The following LY6G6F variants were observed in gnomAD, a reference collection of about 807,000 sequenced individuals.
The protein encoded by LY6G6F is lymphocyte antigen 6 family member G6F.
LY6G6F carries 26 observed loss-of-function variants against 33.0 expected under a neutral mutation model. The ratio of observed to expected loss-of-function variants is 0.79; its 90% confidence interval spans 0.58 to 1.09. The LOEUF (loss-of-function observed/expected upper bound fraction) is 1.09. LY6G6F is among the 50% of genes least tolerant of loss of function. LY6G6F has a pLI of 0.00. For synonymous variants in LY6G6F, 132 were observed against 148.1 expected, an observed-to-expected ratio of 0.89 and a Z score of 0.79; for missense variants, 317 against 372.0, an observed-to-expected ratio of 0.85 and a Z score of 1.22.
Position 31,707,320 on chromosome 6 carries a change from C to T in LY6G6F, c.53-138C>T. The T allele has an allele frequency of 1.4e-6, 1 of 722,408 alleles. No homozygotes were observed. Among genetic ancestry groups the T allele is most frequent in the Admixed American group, 2.8e-5 (1 of 35,322 alleles). 44.7% of individuals were successfully genotyped at this position (722,408 alleles called of 1,614,324 possible). A position where few individuals can be genotyped will look rare whatever the true frequency, so the allele number is the denominator to read the frequency against. ...CTCTCCACCTGTCTTATTTTTGTAG[C>T]TGTCACTTGAGAAATGTGGTCACCA... On this transcript the variant is annotated intron_variant, in intron 1 of 5. Transcript: ENST00000375832. This position sits in a 1 kb window ranked among gnomAD's most constrained non-coding sequence, Gnocchi z 4.1.
chr6:31,707,010 GACT>G lies in LY6G6F; in HGVS notation c.52+56_52+58del. 1 of 1,578,838 alleles carries G rather than the reference GACT, an allele frequency of 6.3e-7. No homozygotes were observed. Among genetic ancestry groups the G allele is most frequent in the Non-Finnish European group, 8.7e-7 (1 of 1,147,994 alleles). On this transcript the variant is annotated intron_variant, in intron 1 of 5. Coordinates refer to ENST00000375832, the MANE Select transcript of LY6G6F (RefSeq NM_001003693.3). The surrounding 1 kb of genome is among the most constrained non-coding windows in gnomAD (Gnocchi z 4.1). ...TTAGCTATTTGCAAGGTTGGGGAGG[GACT>G]ACTGCTCTTTCTCCTAGGAGCCTGG...
chr6:31,710,299 C>G lies in LY6G6F; in HGVS notation c.803-53C>G. The G allele has an allele frequency of 1.2e-6, 2 of 1,613,144 alleles. No homozygotes were observed. Among genetic ancestry groups the G allele is most frequent in the African/African-American group, 1.3e-5 (1 of 75,036 alleles). On this transcript the variant is annotated intron_variant, in intron 4 of 5. Coordinates refer to ENST00000375832, the MANE Select transcript of LY6G6F (RefSeq NM_001003693.3). The surrounding 1 kb of genome is among the most constrained non-coding windows in gnomAD (Gnocchi z 4.7). Reference sequence around the variant, plus strand: ...AGGGGAGGGGGCGAGGAACACGGCTCTAAGTTGTCTGCTGACTTCTCTTCT... The same window carrying G: ...AGGGGAGGGGGCGAGGAACACGGCTGTAAGTTGTCTGCTGACTTCTCTTCT...
At chr6:31,708,498 A>G (rs1340656970) in intron 3 of LY6G6F, among the ~76,000 whole-genome samples, 1 of 152,120 alleles carries the variant, frequency 6.6e-6, no homozygotes, top group Non-Finnish European at 1.5e-5. Context: ...TTTTTTCTTG[A>G]AAGAAAGGGT....
intron 3 of LY6G6F, 74 bp from the exon 4 acceptor site, chr6:31,709,952 G>A: frequency 6.1e-6 from 9 of 1,463,626 alleles, no homozygotes; most frequent in Middle Eastern, 1.8e-4. Flanking sequence ...TGGAGGGGAA[G>A]CCTCTCTTTG....
chr6:31,707,455 C>A lies in LY6G6F; in HGVS notation c.53-3C>A, dbSNP rs753304616. The A allele has an allele frequency of 1.2e-6, 2 of 1,612,576 alleles. No homozygotes were observed. Among genetic ancestry groups the A allele is most frequent in the East Asian group, 4.5e-5 (2 of 44,880 alleles). ...CTGGCCTCATACAACCCTCTTCCCA[C>A]AGACAACATGCAGGCCATCTATGTG... On this transcript the variant is annotated splice_polypyrimidine_tract_variant and splice_region_variant and intron_variant, in intron 1 of 5. Transcript: ENST00000375832. This position sits in a 1 kb window ranked among gnomAD's most constrained non-coding sequence, Gnocchi z 4.1.
rs773984244 is a variant in LY6G6F, at chr6:31,710,164, G to A, written c.785G>A (p.Arg262His). The change falls in exon 4 of 6, where the codon CGT becomes CAT. Residue 262 changes from arginine to histidine, a missense_variant. Arg to His is a conservative substitution (Grantham distance 29). Coordinates refer to ENST00000375832, the MANE Select transcript of LY6G6F (RefSeq NM_001003693.3). This position sits in a 1 kb window ranked among gnomAD's most constrained non-coding sequence, Gnocchi z 4.7. ...ATCGTGCTCTGGAGGCAGAGGGTCC[G>A]TGGGGCTCCAGGCAGAGGTGAGTCC... ...LSIVLWRQRV[R>H]GAPGRDASIP... 19 of 1,612,260 alleles carry A rather than the reference G, an allele frequency of 1.2e-5. No individual in the cohort carries two copies. The highest frequency in any genetic ancestry group is 3.3e-5 in the South Asian group (3 of 91,048).
chr6:31,710,241 G>T lies in LY6G6F; in HGVS notation c.802+60G>T, dbSNP rs1247754289. On this transcript the variant is annotated intron_variant, in intron 4 of 5. Transcript: ENST00000375832. This position sits in a 1 kb window ranked among gnomAD's most constrained non-coding sequence, Gnocchi z 4.7. ...ACATGGGTGGGAGGCAAAGGGCTAG[G>T]CTCACACCCCGCCTCTGTACCCCAC... 6.2e-7 allele frequency: 1 copy of T among 1,609,880 alleles called. No individual in the cohort carries two copies. The highest frequency in any genetic ancestry group is 8.5e-7 in the Non-Finnish European group (1 of 1,177,952).
intron 3 of LY6G6F, among the ~76,000 whole-genome samples, chr6:31,709,390 G>C (rs1165290010): frequency 6.6e-6 from 1 of 151,674 alleles, no homozygotes; most frequent in African/African-American, 2.4e-5. Context: ...CTCTCGAGTA[G>C]CTAGGATTAC....
chr6:31,710,371 C>T lies in LY6G6F; in HGVS notation c.822C>T (p.Phe274=), dbSNP rs1344707913. ...CCCCAGATGCCTCGATTCCTCAGTTCAAACCCGAAATCCAGGTCTATGAGA... is the reference window on the plus strand; with the variant it reads ...CCCCAGATGCCTCGATTCCTCAGTTTAAACCCGAAATCCAGGTCTATGAGA... ...APGRDASIPQ[F]KPEIQVYENI... is the part of the protein sequence containing the mutation. Residue 274 remains phenylalanine, a synonymous_variant, in exon 5 of 6, where the codon TTC becomes TTT. Transcript: ENST00000375832. The surrounding 1 kb of genome is among the most constrained non-coding windows in gnomAD (Gnocchi z 4.7). 1 of 1,614,054 alleles carries T rather than the reference C, an allele frequency of 6.2e-7. No individual in the cohort carries two copies. The highest frequency in any genetic ancestry group is 1.7e-5 in the Admixed American group (1 of 60,002).
chr6:31,708,518 TA>T (rs1805786946), intron 3 of LY6G6F, among the ~76,000 whole-genome samples: 2 of 152,196 alleles, frequency 1.3e-5, no homozygotes, highest in East Asian at 3.8e-4. Context: ...TGAATTACTA[TA>T]AAGGGTGTGA....
Position 31,710,076 on chromosome 6 carries a change from A to G in LY6G6F, c.697A>G (p.Met233Val), listed in dbSNP as rs143875307. Residue 233 changes from methionine to valine, a missense_variant, in exon 4 of 6, where the codon ATG becomes GTG. Transcript: ENST00000375832. This position sits in a 1 kb window ranked among gnomAD's most constrained non-coding sequence, Gnocchi z 4.7. ...ALCAPSTGWDMPWILMLLLTM... is the reference protein window; with the variant it reads ...ALCAPSTGWDVPWILMLLLTM... Reference sequence around the variant, plus strand: ...CTGTGCCCCTTCCACGGGCTGGGACATGCCTTGGATTCTGATGCTGCTGCT... The same window carrying G: ...CTGTGCCCCTTCCACGGGCTGGGACGTGCCTTGGATTCTGATGCTGCTGCT... 740 of 1,612,972 alleles carry G rather than the reference A, an allele frequency of 4.6e-4. 2 individuals carry two copies. In the African/African-American group the frequency reaches 5.3e-3, roughly 12 times the overall value.
intron 3 of LY6G6F, among the ~76,000 whole-genome samples, chr6:31,709,682 C>T (rs1805882486): frequency 6.6e-6 from 1 of 152,214 alleles, no homozygotes; most frequent in South Asian, 2.1e-4. Flanking sequence ...GTGTGAACCA[C>T]TGCGCCTGGC....
chr6:31,709,971 G>A (rs1805904045), intron 3 of LY6G6F, 55 bp from the exon 4 acceptor site: 3 of 1,557,544 alleles, frequency 1.9e-6, no homozygotes, highest in African/African-American at 1.4e-5. Context: ...TGGGGCACAG[G>A]GACAGGGCCC....
chr6:31,708,768 A>T (rs1805803410), intron 3 of LY6G6F, among the ~76,000 whole-genome samples: 1 of 152,136 alleles, frequency 6.6e-6, no homozygotes. Context: ...CTCTACTAAA[A>T]ATACAAAATT....
chr6:31,706,911 C>T lies in LY6G6F; in HGVS notation c.5C>T (p.Ala2Val). M[A>V]VLFLLLFLCG... ...AGAACTTGGCAGGCTCTCCCCATGG[C>T]AGTCTTATTCCTCCTCCTGTTCCTA... Residue 2 changes from alanine (A) to valine (V), a missense_variant, in exon 1 of 6, where the codon GCA (alanine) becomes GTA (valine). By Grantham distance (64) the Ala-to-Val change is moderately conservative. Transcript: ENST00000375832. 9 of 1,614,144 alleles carry T rather than the reference C, an allele frequency of 5.6e-6. No homozygotes were observed. Among genetic ancestry groups the T allele is most frequent in the Non-Finnish European group, 7.6e-6 (9 of 1,180,028 alleles).
In LY6G6F at chr6:31,708,137, A is replaced by G; in HGVS notation, c.646+3A>G. 2 of 1,528,440 alleles carry G rather than the reference A, an allele frequency of 1.3e-6. No individual in the cohort carries two copies. Among genetic ancestry groups the G allele is most frequent in the South Asian group, 1.3e-5 (1 of 78,170 alleles). 94.7% of individuals were successfully genotyped at this position (1,528,440 alleles called of 1,614,324 possible). On this transcript the variant is annotated splice_donor_region_variant and intron_variant, in intron 3 of 5. Coordinates refer to ENST00000375832, the MANE Select transcript of LY6G6F (RefSeq NM_001003693.3). ...AGGGGTCAGCTTTAGCCTGGCAGGT[A>G]AACTGAGGAAGGAGACGGAAAGGGA... is the stretch of plus-strand genomic sequence containing the variant.
chr6:31,708,192 T>C (rs1242672174), intron 3 of LY6G6F, 58 bp downstream of exon 3: 2 of 1,501,506 alleles, frequency 1.3e-6, no homozygotes, highest in African/African-American at 2.8e-5. Context: ...CCCAAGTAGC[T>C]GGAATTACAG....
In LY6G6F at chr6:31,706,919, T is replaced by C. The variant is rs1228962766; in HGVS notation, c.13T>C (p.Phe5Leu). ...GCAGGCTCTCCCCATGGCAGTCTTA[T>C]TCCTCCTCCTGTTCCTATGTGGAAC... MAVL[F>L]LLLFLCGTPQ... The change falls in exon 1 of 6, where the codon TTC becomes CTC. Residue 5 changes from phenylalanine to leucine, a missense_variant. Physicochemically the swap from Phe to Leu is conservative, Grantham distance 22. Coordinates refer to ENST00000375832, the MANE Select transcript of LY6G6F (RefSeq NM_001003693.3). The C allele has an allele frequency of 6.2e-7, 1 of 1,614,138 alleles. No individual in the cohort carries two copies. Among genetic ancestry groups the C allele is most frequent in the Non-Finnish European group, 8.5e-7 (1 of 1,180,014 alleles).
Position 31,707,561 on chromosome 6 carries a change from C to T in LY6G6F, c.156C>T (p.Ser52=). 1 of 1,614,100 alleles carries T rather than the reference C, an allele frequency of 6.2e-7. No homozygotes were observed. Among genetic ancestry groups the T allele is most frequent in the Non-Finnish European group, 8.5e-7 (1 of 1,179,980 alleles). Residue 52 remains serine (S), a synonymous_variant, in exon 2 of 6, where the codon AGC becomes AGT. Transcript: ENST00000375832. The surrounding 1 kb of genome is among the most constrained non-coding windows in gnomAD (Gnocchi z 4.1). ...HGDEHLSWFC[S]PAAGSFTTLV... ...ACGAACACCTGTCATGGTTCTGCAG[C>T]CCTGCAGCAGGCTCCTTCACCACCC...
Sources: gnomAD v4.1 joint callset for allele counts (sites outside exome capture counted in the v4.1 genomes callset) on GRCh38, gnomAD v4.1.1 for gene constraint, Gnocchi (gnomAD v3.1) non-coding constraint, MANE v1.5 for transcripts, NCBI Gene and HGNC (gene_info 2026-07-23, HGNC 2026-07-21) for gene names.